Variants in NGF observed in about 807,000 individuals in gnomAD.
NGF encodes beta-nerve growth factor.
NGF carries 4 observed loss-of-function variants against 12.8 expected under a neutral mutation model. The ratio of observed to expected loss-of-function variants is 0.31; its 90% confidence interval spans 0.15 to 0.72. NGF has a LOEUF of 0.72. Among genes scored for constraint, NGF ranks in the 30% least tolerant of loss-of-function variants. NGF has a pLI of 0.69. For missense variants in NGF, 283 were observed against 330.8 expected (o/e 0.86, Z 1.12); for synonymous variants, 140 against 130.0 (o/e 1.08, Z -0.52).
intron 2 of NGF, among the ~76,000 whole-genome samples, chr1:115,290,418 T>G (rs1313985446): frequency 8.3e-6 from 1 of 120,202 alleles, no homozygotes; most frequent in African/African-American, 3.2e-5. Context: ...TTTTTTGAGA[T>G]GGAGTCTCGC....
At chr1:115,329,187 A>G (rs1654846948) in intron 1 of NGF, among the ~76,000 whole-genome samples, 1 of 152,138 alleles carries the variant, frequency 6.6e-6, no homozygotes, top group East Asian at 1.9e-4. Context: ...GCAGATGATG[A>G]CAGCAGCTCT....
At chr1:115,324,047 C>G (rs573702862) in intron 1 of NGF, among the ~76,000 whole-genome samples, 82 of 152,290 alleles carry the variant, frequency 5.4e-4, no homozygotes, top group African/African-American at 1.9e-3. Flanking sequence ...CTTCATCTCC[C>G]TTAAGAACTG....
intron 1 of NGF, among the ~76,000 whole-genome samples, chr1:115,327,346 T>C (rs149467519): frequency 1.3e-3 from 195 of 152,366 alleles, no homozygotes; most frequent in African/African-American, 4.3e-3. Context: ...CCTGCTCTTT[T>C]TTGGAAAAGT....
intron 2 of NGF, among the ~76,000 whole-genome samples, chr1:115,288,607 C>A (rs1231704394): frequency 6.6e-6 from 1 of 152,114 alleles, no homozygotes; most frequent in East Asian, 1.9e-4. Context: ...TGTATCTGGG[C>A]ACTCCATCCC....
chr1:115,330,049 C>A (rs975479400), intron 1 of NGF, among the ~76,000 whole-genome samples: 2 of 152,136 alleles, frequency 1.3e-5, no homozygotes, highest in African/African-American at 4.8e-5. Context: ...GCCACACACC[C>A]GGCCTTCAAC....
intron 1 of NGF, among the ~76,000 whole-genome samples, chr1:115,297,687 A>G (rs1385052095): frequency 6.6e-6 from 1 of 152,168 alleles, no homozygotes; most frequent in Non-Finnish European, 1.5e-5. Context: ...GTCAATCACC[A>G]TCCCCCTAAT....
At chr1:115,337,376 C>T (rs1381176819) in intron 1 of NGF, among the ~76,000 whole-genome samples, 1 of 147,436 alleles carries the variant, frequency 6.8e-6, no homozygotes, top group East Asian at 2.1e-4. Flanking sequence ...GCTCCCTGAC[C>T]CCTGAGTCCT....
At chr1:115,291,901 C>G (rs1318345) in intron 2 of NGF, among the ~76,000 whole-genome samples, 115,874 of 152,044 alleles carry the variant, frequency 0.76, 44,448 homozygotes, top group African/African-American at 0.83. Context: ...GTCTTAGAGA[C>G]AGCCATGCCA....
intron 1 of NGF, among the ~76,000 whole-genome samples, chr1:115,296,177 A>G (rs1653862199): frequency 6.6e-6 from 1 of 152,134 alleles, no homozygotes; most frequent in Non-Finnish European, 1.5e-5. Context: ...GAGTTCAAGA[A>G]CTGGGTGGAG....
chr1:115,337,930 G>T (rs1655182960), intron 1 of NGF, among the ~76,000 whole-genome samples: 1 of 152,188 alleles, frequency 6.6e-6, no homozygotes, highest in Non-Finnish European at 1.5e-5. Context: ...CGCCAGGGCT[G>T]CTCCCTGGAC....
chr1:115,327,006 T>G (rs1022057632), intron 1 of NGF, among the ~76,000 whole-genome samples: 1 of 152,242 alleles, frequency 6.6e-6, no homozygotes, highest in African/African-American at 2.4e-5. Flanking sequence ...GAATCAGGAA[T>G]AAATTCCTCA....
At chr1:115,311,755 C>T (rs1654339904) in intron 1 of NGF, among the ~76,000 whole-genome samples, 1 of 152,136 alleles carries the variant, frequency 6.6e-6, no homozygotes, top group African/African-American at 2.4e-5. Flanking sequence ...CATAAAGCAT[C>T]AGAGGTGCTG....
chr1:115,319,397 A>G (rs776663549), intron 1 of NGF, among the ~76,000 whole-genome samples: 17 of 152,062 alleles, frequency 1.1e-4, no homozygotes, highest in Non-Finnish European at 2.2e-4. Flanking sequence ...GCACACACAC[A>G]TGTGTACATG....
chr1:115,294,554 T>C (rs1653804560), intron 1 of NGF, among the ~76,000 whole-genome samples: 1 of 152,138 alleles, frequency 6.6e-6, no homozygotes, highest in South Asian at 2.1e-4. Flanking sequence ...CAGTGTTGTG[T>C]AAATAAGCAA....
chr1:115,291,371 A>G (rs1160124049), intron 2 of NGF, among the ~76,000 whole-genome samples: 1 of 152,118 alleles, frequency 6.6e-6, no homozygotes, highest in Non-Finnish European at 1.5e-5. Flanking sequence ...GAGAAGTTTT[A>G]TTTATTTATT....
chr1:115,312,455 C>T (rs945175676), intron 1 of NGF, among the ~76,000 whole-genome samples: 3 of 151,870 alleles, frequency 2.0e-5, no homozygotes, highest in Non-Finnish European at 4.4e-5. Flanking sequence ...AGAAGTGACA[C>T]GACAAAGGCA....
intron 1 of NGF, among the ~76,000 whole-genome samples, chr1:115,309,355 A>T (rs1654283146): frequency 1.3e-5 from 2 of 152,232 alleles, no homozygotes; most frequent in African/African-American, 4.8e-5. Flanking sequence ...TTAGGAGATT[A>T]TGGGTGATTT....
Position 115,286,269 on chromosome 1 carries a change from T to C in NGF, c.527A>G (p.Glu176Gly). The C allele has an allele frequency of 6.2e-7, 1 of 1,614,172 alleles. No homozygotes were observed. The highest frequency in any genetic ancestry group is 8.5e-7 in the Non-Finnish European group (1 of 1,180,028). The change falls in exon 3 of 3, where the codon GAG becomes GGG. Residue 176 changes from glutamate (E) to glycine (G), a missense_variant. Physicochemically the swap from Glu to Gly is moderately conservative, Grantham distance 98. Transcript: ENST00000369512. ...NNSVFKQYFF[E>G]TKCRDPNPVD... The stretch of plus-strand genomic sequence containing the variant: ...GGGATTTGGGTCCCGGCACTTGGTC[T>C]CAAAAAAGTACTGTTTGAATACACT...
At chr1:115,316,607 A>G (rs1363540859) in intron 1 of NGF, among the ~76,000 whole-genome samples, 2 of 152,186 alleles carry the variant, frequency 1.3e-5, no homozygotes, top group Non-Finnish European at 2.9e-5. Context: ...GAAGCTATAT[A>G]TACATGTTTG....
Sources: allele counts gnomAD v4.1 joint callset (sites outside exome capture counted in the v4.1 genomes callset), GRCh38; gene constraint gnomAD v4.1.1; transcripts MANE v1.5; gene names NCBI Gene and HGNC (gene_info 2026-07-23, HGNC 2026-07-21).